TMTC2: variants seen among roughly 807,000 people sequenced by gnomAD.
TMTC2 encodes the protein protein O-mannosyl-transferase TMTC2.
Under a neutral mutation model 82.4 loss-of-function variants are expected in TMTC2, and 43 were observed. The ratio of observed to expected loss-of-function variants is 0.52; its 90% CI spans 0.41 to 0.67. The LOEUF is 0.67. Among genes scored for constraint, TMTC2 ranks in the 30% least tolerant of loss-of-function variants. The pLI is 0.00. For synonymous variants in TMTC2, 408 were observed against 381.9 expected, an observed-to-expected ratio of 1.07 and a Z score of -0.80; for missense variants, 919 against 1,012.4, an observed-to-expected ratio of 0.91 and a Z score of 1.25.
intron 3 of TMTC2, among the ~76,000 whole-genome samples, chr12:82,902,082 G>A (rs1401221132): frequency 6.6e-6 from 1 of 152,190 alleles, no homozygotes; most frequent in African/African-American, 2.4e-5. Context: ...TCTGGGACAA[G>A]GCTGAGATCT....
chr12:82,914,892 C>T (rs1175979014), intron 3 of TMTC2, among the ~76,000 whole-genome samples: 1 of 133,122 alleles, frequency 7.5e-6, no homozygotes, highest in Admixed American at 9.0e-5. Flanking sequence ...ATAGTGCGAT[C>T]TTGGCTCACT....
chr12:82,859,526 C>T (rs1484545950), intron 2 of TMTC2, among the ~76,000 whole-genome samples: 2 of 152,168 alleles, frequency 1.3e-5, no homozygotes, highest in East Asian at 3.9e-4. Flanking sequence ...CTGCAGTACT[C>T]CTTCCTAGAA....
chr12:82,849,508 T>C (rs1374681457), intron 1 of TMTC2, among the ~76,000 whole-genome samples: 1 of 152,044 alleles, frequency 6.6e-6, no homozygotes, highest in Non-Finnish European at 1.5e-5. Flanking sequence ...AAAATAGATA[T>C]AGGAGCAAAA....
intron 11 of TMTC2, among the ~76,000 whole-genome samples, chr12:83,100,840 A>G (rs940714932): frequency 6.6e-6 from 1 of 152,226 alleles, no homozygotes; most frequent in Non-Finnish European, 1.5e-5. Flanking sequence ...GACCTGATAA[A>G]CACTGAAATA....
intron 1 of TMTC2, among the ~76,000 whole-genome samples, chr12:82,752,322 T>C (rs543498263): frequency 2.6e-5 from 4 of 151,818 alleles, no homozygotes; most frequent in Admixed American, 2.6e-4. Context: ...CTGACTCTAC[T>C]AAAAATACAA....
At chr12:82,809,735 A>G (rs1399925886) in intron 1 of TMTC2, among the ~76,000 whole-genome samples, 1 of 152,122 alleles carries the variant, frequency 6.6e-6, no homozygotes, top group Non-Finnish European at 1.5e-5. Flanking sequence ...CCTGGAGCAC[A>G]GTAGTTTTGG....
intron 4 of TMTC2, among the ~76,000 whole-genome samples, chr12:82,951,494 G>A (rs192527243): frequency 1.3e-5 from 2 of 151,954 alleles, no homozygotes; most frequent in East Asian, 1.9e-4. Context: ...TTTTGTTTTT[G>A]TGTTTTAGTA....
intron 11 of TMTC2, among the ~76,000 whole-genome samples, chr12:83,062,913 G>A (rs1208107825): frequency 1.3e-5 from 2 of 151,648 alleles, no homozygotes; most frequent in Admixed American, 6.6e-5. Context: ...TCAACGCCTC[G>A]AAGTTTTATT....
intron 11 of TMTC2, among the ~76,000 whole-genome samples, chr12:83,101,130 T>G (rs1349343393): frequency 6.6e-6 from 1 of 152,224 alleles, no homozygotes; most frequent in African/African-American, 2.4e-5. Flanking sequence ...TGATTGCTTG[T>G]GACATTATTT....
chr12:82,770,997 A>G (rs1395452593), intron 1 of TMTC2, among the ~76,000 whole-genome samples: 1 of 152,128 alleles, frequency 6.6e-6, no homozygotes, highest in Non-Finnish European at 1.5e-5. Context: ...TCACGAGGTC[A>G]GGAATTTGAG....
chr12:83,057,308 G>A (rs1009649216), intron 10 of TMTC2, among the ~76,000 whole-genome samples: 1 of 152,010 alleles, frequency 6.6e-6, no homozygotes, highest in South Asian at 2.1e-4. Context: ...AAATTATATT[G>A]TCAGCGTAGT....
intron 2 of TMTC2, among the ~76,000 whole-genome samples, chr12:82,864,653 C>A (rs1231272038): frequency 1.3e-5 from 2 of 151,314 alleles, no homozygotes; most frequent in Non-Finnish European, 2.9e-5. Flanking sequence ...AGGCACACAC[C>A]ACCATGCCCA....
At chr12:82,737,830 T>C (rs1372152673) in intron 1 of TMTC2, among the ~76,000 whole-genome samples, 1 of 152,206 alleles carries the variant, frequency 6.6e-6, no homozygotes, top group African/African-American at 2.4e-5. Flanking sequence ...GAATATTTTA[T>C]CTTTCTAATG....
rs549549288 is a variant in TMTC2, at chr12:82,999,375, G to A, written c.2070+13329G>A. ...GATATCAAGGATATCTATTAGCGAT[G>A]TGACTTATCATTGTTTATGCTAAAC... On this transcript the variant is annotated intron_variant, in intron 8 of 11. Coordinates refer to ENST00000321196, the MANE Select transcript of TMTC2 (RefSeq NM_152588.3). 6.6e-5 allele frequency among the ~76,000 whole-genome samples: 10 copies of A among 152,320 alleles called. No individual in the cohort carries two copies. The South Asian group carries it at 2.1e-3, about 32-fold the overall frequency.
intron 1 of TMTC2, among the ~76,000 whole-genome samples, chr12:82,855,833 T>A (rs1360879995): frequency 6.6e-6 from 1 of 152,234 alleles, no homozygotes; most frequent in Non-Finnish European, 1.5e-5. Flanking sequence ...AAATCCAGCT[T>A]TGATATGGTA....
At chr12:83,016,724 T>C (rs1409494291) in intron 8 of TMTC2, among the ~76,000 whole-genome samples, 1 of 152,214 alleles carries the variant, frequency 6.6e-6, no homozygotes, top group Non-Finnish European at 1.5e-5. Context: ...TTCTGGAACA[T>C]GTCTACAATG....
chr12:82,908,137 A>G (rs1283600686), intron 3 of TMTC2, among the ~76,000 whole-genome samples: 1 of 152,010 alleles, frequency 6.6e-6, no homozygotes, highest in Non-Finnish European at 1.5e-5. Flanking sequence ...AAGCCCTAAC[A>G]TTTCTTTACT....
At chr12:82,940,486 T>G (rs1228192906) in intron 4 of TMTC2, among the ~76,000 whole-genome samples, 2 of 152,124 alleles carry the variant, frequency 1.3e-5, no homozygotes, top group African/African-American at 4.8e-5. Context: ...AAATTGGTCA[T>G]TCCTGGTTAT....
At position 83,126,561 on chromosome 12, in the gene TMTC2, A is replaced by C. The variant is rs998218956; in HGVS notation, c.2332-5649A>C. 2.0e-5 allele frequency among the ~76,000 whole-genome samples: 3 copies of C among 152,288 alleles called. No individual in the cohort carries two copies. In the East Asian group the frequency reaches 5.8e-4, roughly 29 times the overall value. On this transcript the variant is annotated intron_variant, in intron 11 of 11. Coordinates refer to ENST00000321196, the MANE Select transcript of TMTC2 (RefSeq NM_152588.3). ...TTTAAGTAATCCAGAAAAAGATGATAAGGGCCTGAACCAAGTTGGACAAAA... is the reference window on the plus strand; with the variant it reads ...TTTAAGTAATCCAGAAAAAGATGATCAGGGCCTGAACCAAGTTGGACAAAA...
Sources: gnomAD v4.1 joint callset for allele counts (sites outside exome capture counted in the v4.1 genomes callset) on GRCh38, gnomAD v4.1.1 for gene constraint, MANE v1.5 for transcripts, NCBI Gene and HGNC (gene_info 2026-07-23, HGNC 2026-07-21) for gene names.